Variants in TRPS1 observed in about 807,000 individuals in gnomAD.
TRPS1 encodes transcriptional repressor GATA binding 1, also known as zinc finger transcription factor Trps1.
In TRPS1, 6 loss-of-function variants were observed where a neutral mutation model predicts 101.2. The observed-to-expected ratio is 0.06, with a 90% CI of 0.03 to 0.12. The LOEUF (loss-of-function observed/expected upper bound fraction) is 0.12. TRPS1 is among the 10% of genes least tolerant of loss of function. TRPS1 has a pLI of 1.00. For missense variants in TRPS1, 1,363 were observed against 1,567.0 expected (o/e 0.87, Z 2.20); for synonymous variants, 578 against 589.8 (o/e 0.98, Z 0.29).
chr8:115,573,282 A>G (rs1368099195), intron 5 of TRPS1, among the ~76,000 whole-genome samples: 1 of 152,174 alleles, frequency 6.6e-6, no homozygotes, highest in African/African-American at 2.4e-5. Flanking sequence ...TGTAAAATGG[A>G]GAAAATACAG....
intron 5 of TRPS1, among the ~76,000 whole-genome samples, chr8:115,454,630 CTA>C (rs1813969196): frequency 6.6e-6 from 1 of 152,086 alleles, no homozygotes; most frequent in South Asian, 2.1e-4. Flanking sequence ...CTATAACACT[CTA>C]TTGGTTGGAA....
chr8:115,472,673 T>A (rs976142712), intron 5 of TRPS1, among the ~76,000 whole-genome samples: 10 of 152,182 alleles, frequency 6.6e-5, no homozygotes, highest in Admixed American at 5.9e-4. Flanking sequence ...TAAACATAAG[T>A]GCCAATTCCA....
At chr8:115,547,371 C>T (rs1816600256) in intron 5 of TRPS1, among the ~76,000 whole-genome samples, 1 of 151,988 alleles carries the variant, frequency 6.6e-6, no homozygotes, top group Admixed American at 6.6e-5. Flanking sequence ...CTTTTTAACT[C>T]TGTGCTAAGC....
At chr8:115,457,389 A>G (rs1270583054) in intron 5 of TRPS1, among the ~76,000 whole-genome samples, 1 of 152,180 alleles carries the variant, frequency 6.6e-6, no homozygotes, top group Non-Finnish European at 1.5e-5. Flanking sequence ...GATTCCACTT[A>G]TATGAGGTAG....
At chr8:115,643,917 T>C (rs139881426) in intron 1 of TRPS1, among the ~76,000 whole-genome samples, 42 of 152,334 alleles carry the variant, frequency 2.8e-4, no homozygotes, top group Non-Finnish European at 5.1e-4. Flanking sequence ...GAACATAACA[T>C]TCATCTCTTT....
rs1196453967 is a variant in TRPS1, at chr8:115,587,344, T to G, written c.2357A>C (p.Lys786Thr). 6.2e-7 allele frequency: 1 copy of G among 1,614,102 alleles called. No homozygotes were observed. The highest frequency in any genetic ancestry group is 8.5e-7 in the Non-Finnish European group (1 of 1,180,022). ...SVVKREKLEE[K>T]DGLKEKVWTE... ...CCAAACTTTCTCTTTGAGCCCGTCC[T>G]TCTCTTCCAGCTTCTCTCTCTTCAC... Residue 786 changes from lysine to threonine, a missense_variant, in exon 5 of 7, where the codon AAG (lysine) becomes ACG (threonine). Coordinates refer to ENST00000395715, the MANE Select transcript of TRPS1 (RefSeq NM_014112.5).
chr8:115,548,693 C>T (rs1194558019), intron 5 of TRPS1, among the ~76,000 whole-genome samples: 1 of 152,120 alleles, frequency 6.6e-6, no homozygotes, highest in Non-Finnish European at 1.5e-5. Flanking sequence ...ACATTAAATT[C>T]TTATATTTCT....
At chr8:115,432,722 TA>T (rs1813352186) in intron 5 of TRPS1, among the ~76,000 whole-genome samples, 1 of 151,902 alleles carries the variant, frequency 6.6e-6, no homozygotes, top group South Asian at 2.1e-4. Flanking sequence ...GATAAAAATG[TA>T]GTGCAGGATA....
intron 1 of TRPS1, among the ~76,000 whole-genome samples, chr8:115,653,979 A>G (rs1811623870): frequency 1.3e-5 from 2 of 152,370 alleles, no homozygotes; most frequent in Admixed American, 1.3e-4. Flanking sequence ...GGTGAAAATG[A>G]CAATAGCATT....
chr8:115,539,840 A>G (rs1254897678), intron 5 of TRPS1, among the ~76,000 whole-genome samples: 1 of 152,190 alleles, frequency 6.6e-6, no homozygotes, highest in Non-Finnish European at 1.5e-5. Flanking sequence ...TGGGACATAG[A>G]GGCTGGAATG....
At chr8:115,494,157 G>C (rs1815095053) in intron 5 of TRPS1, among the ~76,000 whole-genome samples, 1 of 152,130 alleles carries the variant, frequency 6.6e-6, no homozygotes. Context: ...CCCATGGCTT[G>C]AATCAGTTAC....
chr8:115,444,102 T>A (rs903816616), intron 5 of TRPS1, among the ~76,000 whole-genome samples: 11 of 152,186 alleles, frequency 7.2e-5, no homozygotes, highest in African/African-American at 2.4e-4. Context: ...AGGTCCCCCA[T>A]CCTTACCCCT....
At position 115,619,698 on chromosome 8, in the gene TRPS1, C is replaced by G; in HGVS notation, c.400G>C (p.Val134Leu). The G allele has an allele frequency of 6.2e-7, 1 of 1,614,204 alleles. No individual in the cohort carries two copies. Reference sequence around the variant, plus strand: ...TGCGGAGACTTCAAGGGCTCACAGACTCCCCCAGCAGCTGGAGATGAGAAA... The same window carrying G: ...TGCGGAGACTTCAAGGGCTCACAGAGTCCCCCAGCAGCTGGAGATGAGAAA... ...LAFSSPAAGG[V>L]CEPLKSPQRA... Residue 134 changes from valine to leucine, a missense_variant, in exon 3 of 7, where the codon GTC becomes CTC. Physicochemically the swap from Val to Leu is conservative, Grantham distance 32 (BLOSUM62 1). This residue lies in a region of TRPS1 where 1,020 missense variants were observed against 1,073.0 expected (regional missense o/e 0.95). Transcript: ENST00000395715.
intron 5 of TRPS1, among the ~76,000 whole-genome samples, chr8:115,455,092 A>T (rs1813983069): frequency 6.6e-6 from 1 of 152,240 alleles, no homozygotes; most frequent in African/African-American, 2.4e-5. Flanking sequence ...TGATATTGTC[A>T]CATTACCTTC....
chr8:115,572,870 C>T (rs551934209), intron 5 of TRPS1, among the ~76,000 whole-genome samples: 36 of 152,214 alleles, frequency 2.4e-4, no homozygotes, highest in African/African-American at 7.0e-4. Context: ...CCGTGGCTCA[C>T]GCCTGTAATC....
intron 1 of TRPS1, among the ~76,000 whole-genome samples, chr8:115,646,886 A>G (rs1270446375): frequency 1.3e-5 from 2 of 152,232 alleles, no homozygotes; most frequent in African/African-American, 4.8e-5. Flanking sequence ...AGTTTTAAAT[A>G]CTATAACTTA....
At chr8:115,416,397 C>A (rs1258038544) in intron 6 of TRPS1, among the ~76,000 whole-genome samples, 1 of 151,242 alleles carries the variant, frequency 6.6e-6, no homozygotes, top group African/African-American at 2.4e-5. Flanking sequence ...GGGCTAAAGT[C>A]TGATTTTTCT....
chr8:115,621,349 C>T (rs1470090310), intron 2 of TRPS1, among the ~76,000 whole-genome samples: 1 of 152,162 alleles, frequency 6.6e-6, no homozygotes, highest in Non-Finnish European at 1.5e-5. Context: ...TAAGGACTAA[C>T]AGTTAGTTAT....
At chr8:115,570,437 T>C (rs1325532642) in intron 5 of TRPS1, among the ~76,000 whole-genome samples, 1 of 152,070 alleles carries the variant, frequency 6.6e-6, no homozygotes, top group Non-Finnish European at 1.5e-5. Context: ...TATAATTCTA[T>C]TCCATTAAAG....
Sources: allele counts gnomAD v4.1 joint callset (sites outside exome capture counted in the v4.1 genomes callset), GRCh38; gene constraint gnomAD v4.1.1; regional missense constraint gnomAD v4.1.1; transcripts MANE v1.5; gene names NCBI Gene and HGNC (gene_info 2026-07-23, HGNC 2026-07-21).